The following PDE7B variants were observed in gnomAD, a reference collection of about 807,000 sequenced individuals.
PDE7B encodes the protein 3',5'-cyclic-AMP phosphodiesterase 7B.
Under a neutral mutation model 56.2 loss-of-function variants are expected in PDE7B, and 29 were observed. The ratio of observed to expected loss-of-function variants is 0.52; its 90% CI spans 0.38 to 0.70. The LOEUF (loss-of-function observed/expected upper bound fraction) is 0.70. Among genes scored for constraint, PDE7B ranks in the 30% least tolerant of loss-of-function variants. The probability of loss-of-function intolerance (pLI) is 0.00; values close to 1 mark genes in which losing one functional copy is unlikely to be tolerated. For missense variants in PDE7B, 490 were observed against 565.0 expected, an observed-to-expected ratio of 0.87 and a Z score of 1.35; for synonymous variants, 197 against 196.9, an observed-to-expected ratio of 1.00 and a Z score of 0.00.
At chr6:135,873,451 C>T (rs903898679) in intron 1 of PDE7B, among the ~76,000 whole-genome samples, 5 of 151,962 alleles carry the variant, frequency 3.3e-5, no homozygotes, top group Non-Finnish European at 5.9e-5. Flanking sequence ...GAGTTTTTGG[C>T]TAAATTGTTT....
chr6:135,996,091 A>G (rs1203999966), intron 2 of PDE7B, among the ~76,000 whole-genome samples: 6 of 152,226 alleles, frequency 3.9e-5, no homozygotes, highest in Non-Finnish European at 8.8e-5. Context: ...TGATGGTGAT[A>G]CATGCCTAGA....
intron 2 of PDE7B, among the ~76,000 whole-genome samples, chr6:136,018,655 T>G (rs1178314090): frequency 1.3e-5 from 2 of 152,198 alleles, no homozygotes; most frequent in Non-Finnish European, 2.9e-5. Flanking sequence ...TAAATTACCG[T>G]TAAGAGGTCC....
At chr6:135,984,551 G>A (rs982631832) in intron 2 of PDE7B, among the ~76,000 whole-genome samples, 2 of 152,058 alleles carry the variant, frequency 1.3e-5, no homozygotes, top group African/African-American at 2.4e-5. Flanking sequence ...AATGTCTCAC[G>A]TGGCACATGA....
chr6:135,905,266 T>C (rs546429188), intron 1 of PDE7B, among the ~76,000 whole-genome samples: 2 of 152,170 alleles, frequency 1.3e-5, no homozygotes, highest in East Asian at 1.9e-4. Flanking sequence ...TTTATTTTAT[T>C]TTTTGGTAAA....
chr6:136,070,734 T>C (rs1777035628), intron 2 of PDE7B, among the ~76,000 whole-genome samples: 1 of 152,206 alleles, frequency 6.6e-6, no homozygotes, highest in African/African-American at 2.4e-5. Flanking sequence ...TTGCAACATA[T>C]TGACTTTTTT....
intron 2 of PDE7B, chr6:136,037,745 C>G: frequency 3.0e-6 from 3 of 985,466 alleles, no homozygotes; most frequent in Non-Finnish European, 3.6e-6. Flanking sequence ...AAGGGGAAGC[C>G]CCGCTTCTTT....
intron 11 of PDE7B, among the ~76,000 whole-genome samples, chr6:136,181,581 AT>A (rs779929330): frequency 7.2e-4 from 109 of 152,368 alleles, no homozygotes; most frequent in Admixed American, 1.2e-3. Flanking sequence ...AAAGTGGGAC[AT>A]TGATTATAAA....
intron 1 of PDE7B, among the ~76,000 whole-genome samples, chr6:135,856,544 T>C (rs1775031034): frequency 6.6e-6 from 1 of 152,174 alleles, no homozygotes; most frequent in South Asian, 2.1e-4. Flanking sequence ...CTCTGAGACC[T>C]TGCCCTGCTG....
intron 2 of PDE7B, among the ~76,000 whole-genome samples, chr6:135,958,093 G>T (rs1484407919): frequency 1.3e-5 from 2 of 152,108 alleles, no homozygotes; most frequent in Non-Finnish European, 2.9e-5. Context: ...CTAGCCAGGT[G>T]TGGTGGCACG....
intron 2 of PDE7B, among the ~76,000 whole-genome samples, chr6:136,060,257 T>C (rs1776814394): frequency 6.6e-6 from 1 of 152,194 alleles, no homozygotes; most frequent in Non-Finnish European, 1.5e-5. Flanking sequence ...TTCCTGACCT[T>C]ATGGGGAAAG....
intron 2 of PDE7B, among the ~76,000 whole-genome samples, chr6:136,042,412 G>A (rs191495485): frequency 9.2e-5 from 14 of 152,264 alleles, no homozygotes; most frequent in Admixed American, 5.9e-4. Context: ...CCAAATAACC[G>A]CAAACTCTGC....
intron 2 of PDE7B, among the ~76,000 whole-genome samples, chr6:136,053,707 C>T (rs895384282): frequency 2.0e-5 from 3 of 152,124 alleles, no homozygotes; most frequent in African/African-American, 4.8e-5. Flanking sequence ...TCTCCACATC[C>T]TCTCCAGCAC....
intron 8 of PDE7B, among the ~76,000 whole-genome samples, chr6:136,156,911 T>C (rs879623646): frequency 6.6e-6 from 1 of 152,202 alleles, no homozygotes; most frequent in Non-Finnish European, 1.5e-5. Flanking sequence ...AAAAAATTTC[T>C]TTTAAAAAGT....
At chr6:136,147,141 CA>C (rs1445399096) in intron 3 of PDE7B, among the ~76,000 whole-genome samples, 1 of 140,910 alleles carries the variant, frequency 7.1e-6, no homozygotes, top group Non-Finnish European at 1.5e-5. Flanking sequence ...GACCCAGTCT[CA>C]AAAAATAAAT....
At chr6:136,108,973 C>T (rs907999887) in intron 3 of PDE7B, among the ~76,000 whole-genome samples, 159 bp downstream of exon 3, 5 of 152,174 alleles carry the variant, frequency 3.3e-5, no homozygotes, top group Admixed American at 2.6e-4. Context: ...CTTTGAGTTT[C>T]CTCACAAGTG....
At position 136,193,361 on chromosome 6, in the gene PDE7B, A is replaced by G. The variant is rs1479251763; in HGVS notation, c.*1521A>G. On this transcript the variant is annotated 3_prime_UTR_variant, in exon 13 of 13. Coordinates refer to ENST00000308191, the MANE Select transcript of PDE7B (RefSeq NM_018945.4). ...CTACCCAACTGTTTAGCTGAAGTTC[A>G]TATTATTTAAGTAAAGAAAATATTT... 2.6e-5 allele frequency: 4 copies of G among 152,610 alleles called. No individual in the cohort carries two copies. The highest frequency in any genetic ancestry group is 2.4e-5 in the African/African-American group (1 of 41,430). 9.5% of individuals were successfully genotyped at this position (152,610 alleles called of 1,614,324 possible). A position where few individuals can be genotyped will look rare whatever the true frequency, so the allele number is the denominator to read the frequency against.
intron 2 of PDE7B, among the ~76,000 whole-genome samples, chr6:136,033,333 T>G (rs989599782): frequency 1.3e-5 from 2 of 152,066 alleles, no homozygotes; most frequent in African/African-American, 2.4e-5. Flanking sequence ...CAGGATAGAG[T>G]GTGATGTTAG....
intron 2 of PDE7B, among the ~76,000 whole-genome samples, chr6:136,004,012 G>T (rs1411097997): frequency 6.6e-6 from 1 of 152,016 alleles, no homozygotes; most frequent in Admixed American, 6.6e-5. Flanking sequence ...CCATGATCAA[G>T]TGGGCTTCAT....
intron 2 of PDE7B, among the ~76,000 whole-genome samples, chr6:136,105,448 T>A (rs150570963): frequency 9.5e-4 from 145 of 152,334 alleles, no homozygotes; most frequent in Middle Eastern, 3.4e-3. Context: ...AATTATCAAA[T>A]TTCCATTAGC....
Sources: gnomAD v4.1 joint callset for allele counts (sites outside exome capture counted in the v4.1 genomes callset) on GRCh38, gnomAD v4.1.1 for gene constraint, MANE v1.5 for transcripts, NCBI Gene and HGNC (gene_info 2026-07-23, HGNC 2026-07-21) for gene names.